The following C11orf71 variants were observed in gnomAD, a reference collection of about 807,000 sequenced individuals.
C11orf71 encodes the protein chromosome 11 open reading frame 71, also known as uncharacterized protein C11orf71.
For missense variants in C11orf71, 179 were observed against 167.6 expected (o/e 1.07, Z -0.38); for synonymous variants, 72 against 73.4 (o/e 0.98, Z 0.09).
At position 114,400,444 on chromosome 11, in the gene C11orf71, C is replaced by CATGG; in HGVS notation, c.-114_-113insCCAT. 1 of 1,386,644 alleles carries CATGG rather than the reference C, an allele frequency of 7.2e-7. No homozygotes were observed. Among genetic ancestry groups the CATGG allele is most frequent in the Non-Finnish European group, 9.6e-7 (1 of 1,038,872 alleles). The allele number at this position is 1,386,644 out of a possible 1,614,324, so 85.9% of individuals were successfully genotyped here. ...GACCCGATGACTAAGCACACAGGAA[C>CATGG]CCATAACTGAGCCTGCGGAAGAGCC... On this transcript the variant is annotated 5_prime_UTR_variant, in exon 1 of 1. It adds an upstream start codon to the 5' untranslated region. Transcript: ENST00000623205.
At chr11:114,394,966 A>G (rs767859477), downstream of C11orf71, among the ~76,000 whole-genome samples, 18 of 150,554 alleles carry the variant, frequency 1.2e-4, no homozygotes, top group Non-Finnish European at 2.4e-4. Flanking sequence ...GACAAAAGAG[A>G]CTACAATTTA....
chr11:114,395,111 A>T (rs10891657), downstream of C11orf71, among the ~76,000 whole-genome samples: 30,716 of 151,782 alleles, frequency 0.2, 3,294 homozygotes, highest in East Asian at 0.41. Flanking sequence ...AAATTTAGAC[A>T]TGTTGCCTAC....
rs762340956 is a variant in C11orf71, at chr11:114,400,310, G to A, written c.22C>T (p.Leu8=). 7.1e-5 allele frequency: 115 copies of A among 1,608,606 alleles called. No homozygotes were observed. Among genetic ancestry groups the A allele is most frequent in the Non-Finnish European group, 9.5e-5 (112 of 1,177,708 alleles). ...CTGCTCCTCTGATCACCGGAGGACAGGGACACATTGTTCAGGGCCATATTC... is the reference window on the plus strand; with the variant it reads ...CTGCTCCTCTGATCACCGGAGGACAAGGACACATTGTTCAGGGCCATATTC... The part of the protein sequence containing the change: MALNNVS[L]SSGDQRSRVA... Residue 8 remains leucine, a synonymous_variant, in exon 1 of 1, where the codon CTG becomes TTG. Transcript: ENST00000623205.
Position 114,400,438 on chromosome 11 carries a change from C to CA in C11orf71, c.-108dup. ...GTGTCGGACCCGATGACTAAGCACA[C>CA]AGGAACCCATAACTGAGCCTGCGGA... On this transcript the variant is annotated 5_prime_UTR_variant, in exon 1 of 1. An upstream open reading frame in the 5' UTR gains an earlier in-frame stop. Coordinates refer to ENST00000623205, the MANE Select transcript of C11orf71 (RefSeq NM_001271562.2). 7.1e-7 allele frequency: 1 copy of CA among 1,409,940 alleles called. No homozygotes were observed. Among genetic ancestry groups the CA allele is most frequent in the Non-Finnish European group, 9.4e-7 (1 of 1,058,600 alleles). The allele number at this position is 1,409,940 out of a possible 1,614,324, so 87.3% of individuals were successfully genotyped here. A position where few individuals can be genotyped will look rare whatever the true frequency, so the allele number is the denominator to read the frequency against.
downstream of C11orf71, among the ~76,000 whole-genome samples, chr11:114,396,731 CT>C (rs1348191147): frequency 3.0e-4 from 45 of 152,304 alleles, no homozygotes; most frequent in African/African-American, 9.6e-4. Flanking sequence ...TTGGTAAACT[CT>C]TCATAGAAAT....
rs775734151 is a variant in C11orf71, at chr11:114,400,089, C to G, written c.243G>C (p.Arg81=). The change falls in exon 1 of 1, where the codon CGG becomes CGC. Residue 81 remains arginine (R), a synonymous_variant. Transcript: ENST00000623205. ...AGAATCTGGCTTGGCGGCTCCGGCC[C>G]CGGCCATCTGGTTCCCTTGGGCTCC... ...GGRSPREPDG[R]GRSRQARFSP... The G allele has an allele frequency of 1.9e-6, 3 of 1,613,886 alleles. No individual in the cohort carries two copies. In the South Asian group the frequency reaches 3.3e-5, roughly 18 times the overall value.
intron 1 of C11orf71, among the ~76,000 whole-genome samples, chr11:114,392,384 G>A (rs1028109645): frequency 1.2e-4 from 18 of 151,622 alleles, no homozygotes; most frequent in Non-Finnish European, 2.4e-4. Flanking sequence ...CTAAAAATAC[G>A]GAAATTAGCC....
chr11:114,394,284 T>C (rs1352636804), downstream of C11orf71, among the ~76,000 whole-genome samples: 3,977 of 84,410 alleles, frequency 0.047, 567 homozygotes, highest in African/African-American at 0.24. Flanking sequence ...TTTCTTTTCT[T>C]TTCTCTTATT....
chr11:114,391,644 A>G, exon 2 of C11orf71: 6 of 1,509,916 alleles, frequency 4.0e-6, no homozygotes, highest in Non-Finnish European at 5.4e-6. Flanking sequence ...AGACTCAGAT[A>G]GCTTCAGGGT....
downstream of C11orf71, among the ~76,000 whole-genome samples, chr11:114,396,905 T>G (rs747808051): frequency 2.6e-5 from 4 of 152,226 alleles, no homozygotes; most frequent in Admixed American, 6.5e-5. Flanking sequence ...AAGTCAGCCC[T>G]CTTAAAGTTA....
downstream of C11orf71, among the ~76,000 whole-genome samples, chr11:114,397,234 T>A (rs1320183850): frequency 6.6e-6 from 1 of 152,238 alleles, no homozygotes; most frequent in African/African-American, 2.4e-5. Flanking sequence ...AGAAATCATC[T>A]ATTTTAGAAT....
At position 114,399,874 on chromosome 11, in the gene C11orf71, AAAC is replaced by A. The variant is rs1946167017; in HGVS notation, c.*83_*85del. 2.1e-6 allele frequency: 3 copies of A among 1,457,832 alleles called. No individual in the cohort carries two copies. The Admixed American group carries it at 8.1e-5, about 39-fold the overall frequency. The allele number at this position is 1,457,832 out of a possible 1,614,324, so 90.3% of individuals were successfully genotyped here. A position where few individuals can be genotyped will look rare whatever the true frequency, so the allele number is the denominator to read the frequency against. ...ATGAAAATACATCCATCTAAAAATA[AAAC>A]AACACGATTGCTGCTACACCAAGAA... On this transcript the variant is annotated 3_prime_UTR_variant, in exon 1 of 1. Coordinates refer to ENST00000623205, the MANE Select transcript of C11orf71 (RefSeq NM_001271562.2).
At chr11:114,392,280 G>A (rs1175277417) in intron 1 of C11orf71, among the ~76,000 whole-genome samples, 1 of 152,032 alleles carries the variant, frequency 6.6e-6, no homozygotes, top group Non-Finnish European at 1.5e-5. Context: ...GCTTATGCCT[G>A]TAATCGCAAC....
In C11orf71 at chr11:114,400,474, GC is replaced by G; in HGVS notation, c.-144del. ...AACTGAGCCTGCGGAAGAGCCAGAA[GC>G]CGCCTTGCCTTTAACGAGGGGTATC... On this transcript the variant is annotated 5_prime_UTR_variant, in exon 1 of 1. An upstream open reading frame in the 5' UTR loses its in-frame stop. Transcript: ENST00000623205. 2 of 1,304,566 alleles carry G rather than the reference GC, an allele frequency of 1.5e-6. No homozygotes were observed. Among genetic ancestry groups the G allele is most frequent in the South Asian group, 3.1e-5 (2 of 64,964 alleles). The allele number at this position is 1,304,566 out of a possible 1,614,324, so 80.8% of individuals were successfully genotyped here.
rs1555023950 is a variant in C11orf71, at chr11:114,392,547, A to AAG, written c.344-883_344-882insCT. Among the ~76,000 whole-genome samples the AAG allele has an allele frequency of 5.2e-4, 75 of 145,186 alleles. 2 individuals carry two copies. In the Middle Eastern group the frequency reaches 0.018, roughly 34 times the overall value. ...AATGAGACAAAAAAAAAAAAAAAAA[A>AAG]AAAGAAGAAGAAGAAGAAGAAAAAA... On this transcript the variant is annotated intron_variant, in intron 1 of 1. Coordinates refer to the C11orf71 transcript ENST00000325636.
intron 1 of C11orf71, among the ~76,000 whole-genome samples, chr11:114,392,309 G>A (rs899237388): frequency 7.9e-5 from 12 of 151,940 alleles, no homozygotes; most frequent in African/African-American, 2.9e-4. Flanking sequence ...AGGCCGAGGC[G>A]AGTGGATCAC....
At chr11:114,391,651 G>A in exon 2 of C11orf71, 1 of 1,486,760 alleles carries the variant, frequency 6.7e-7, no homozygotes. Flanking sequence ...GATAGCTTCA[G>A]GGTCCAGGTA....
Position 114,399,943 on chromosome 11 carries a change from A to T in C11orf71, c.*17T>A, listed in dbSNP as rs558165568. 3 of 1,576,266 alleles carry T rather than the reference A, an allele frequency of 1.9e-6. No individual in the cohort carries two copies. Among genetic ancestry groups the T allele is most frequent in the Non-Finnish European group, 2.6e-6 (3 of 1,156,150 alleles). The stretch of plus-strand genomic sequence containing the variant: ...CCTGTTCACAAGCTAAGTGAGGGCC[A>T]GAGGAAAGGTGTTCGTTTAAACTGA... On this transcript the variant is annotated 3_prime_UTR_variant, in exon 1 of 1. Transcript: ENST00000623205.
chr11:114,394,262 C>CTT (rs796831484), downstream of C11orf71, among the ~76,000 whole-genome samples: 1 of 65,164 alleles, frequency 1.5e-5, no homozygotes, highest in Admixed American at 1.9e-4. Flanking sequence ...CTTTTCTTTT[C>CTT]TTTTCTTTTC....
Sources: gnomAD v4.1 joint callset for allele counts (sites outside exome capture counted in the v4.1 genomes callset) on GRCh38, gnomAD v4.1.1 for gene constraint, MANE v1.5 for transcripts, NCBI Gene and HGNC (gene_info 2026-07-23, HGNC 2026-07-21) for gene names.